The following GPC5 variants were observed in gnomAD, a reference collection of about 807,000 sequenced individuals.
GPC5 encodes the protein glypican-5.
A neutral mutation model predicts 53.9 loss-of-function variants in GPC5; 47 were observed. The observed-to-expected ratio is 0.87, with a 90% CI of 0.69 to 1.11. GPC5 has a LOEUF of 1.11. Among genes scored for constraint, GPC5 ranks in the 50% most tolerant of loss-of-function variants. The pLI is 0.00. For synonymous variants in GPC5, 286 were observed against 263.3 expected (o/e 1.09, Z -0.84); for missense variants, 748 against 713.1 (o/e 1.05, Z -0.56).
At chr13:92,025,059 C>G (rs2040789678) in intron 6 of GPC5, among the ~76,000 whole-genome samples, 1 of 152,112 alleles carries the variant, frequency 6.6e-6, no homozygotes, top group Non-Finnish European at 1.5e-5. Context: ...TAATCTCTAC[C>G]CTTTCTTCTG....
At chr13:91,922,526 T>G (rs1364952266) in intron 6 of GPC5, among the ~76,000 whole-genome samples, 1 of 152,212 alleles carries the variant, frequency 6.6e-6, no homozygotes, top group Non-Finnish European at 1.5e-5. Context: ...AGAAAATTAT[T>G]ACGTTGACTT....
chr13:92,153,043 T>G (rs1242666665), intron 7 of GPC5, among the ~76,000 whole-genome samples: 1 of 152,220 alleles, frequency 6.6e-6, no homozygotes, highest in Non-Finnish European at 1.5e-5. Flanking sequence ...AATCATACAG[T>G]CTCTCTTGTC....
chr13:92,444,715 TAAAAAAAAAAAAAAAAA>T (rs71910602), intron 7 of GPC5, among the ~76,000 whole-genome samples: 1 of 84,224 alleles, frequency 1.2e-5, no homozygotes, highest in South Asian at 4.6e-4. Flanking sequence ...TCCTGAAATC[TAAAAAAAAAAAAAAAAA>T]AAAAAAAAGT....
intron 2 of GPC5, among the ~76,000 whole-genome samples, chr13:91,496,582 T>C (rs908046066): frequency 6.6e-6 from 1 of 152,122 alleles, no homozygotes; most frequent in Non-Finnish European, 1.5e-5. Flanking sequence ...ATTAAAACAA[T>C]TGAACTTATG....
At chr13:91,953,899 G>A (rs776907054) in intron 6 of GPC5, among the ~76,000 whole-genome samples, 1 of 152,082 alleles carries the variant, frequency 6.6e-6, no homozygotes, top group Non-Finnish European at 1.5e-5. Context: ...CCGCTTGGTG[G>A]TTTGGATTTT....
intron 6 of GPC5, among the ~76,000 whole-genome samples, chr13:92,069,439 T>C (rs1244974266): frequency 6.6e-6 from 1 of 151,858 alleles, no homozygotes; most frequent in Non-Finnish European, 1.5e-5. Context: ...TGTGTGTGTG[T>C]GTGTGTGTAT....
At chr13:92,029,678 C>T (rs1393332427) in intron 6 of GPC5, among the ~76,000 whole-genome samples, 1 of 152,166 alleles carries the variant, frequency 6.6e-6, no homozygotes, top group Non-Finnish European at 1.5e-5. Flanking sequence ...TGACTCATTG[C>T]TGTTTGATTT....
At chr13:92,079,532 G>T (rs2041278866) in intron 6 of GPC5, among the ~76,000 whole-genome samples, 1 of 152,172 alleles carries the variant, frequency 6.6e-6, no homozygotes, top group African/African-American at 2.4e-5. Context: ...ATCATCGTGT[G>T]ATTTAAATGC....
At chr13:91,857,988 A>G (rs1343104499) in intron 5 of GPC5, among the ~76,000 whole-genome samples, 2 of 151,624 alleles carry the variant, frequency 1.3e-5, no homozygotes, top group Admixed American at 1.3e-4. Flanking sequence ...TTATATATAT[A>G]TCTTATGTGT....
intron 6 of GPC5, among the ~76,000 whole-genome samples, chr13:91,942,728 G>A (rs1410050373): frequency 6.6e-6 from 1 of 152,022 alleles, no homozygotes; most frequent in South Asian, 2.1e-4. Context: ...TTTTGTATGT[G>A]TGTGTGTGTT....
chr13:91,448,960 G>C, intron 2 of GPC5, 38 bp downstream of exon 2: 1 of 1,593,882 alleles, frequency 6.3e-7, no homozygotes, highest in Non-Finnish European at 8.5e-7. Context: ...AGGACTGGCC[G>C]TGTTATGTAA....
chr13:91,915,428 T>C (rs911851381), intron 6 of GPC5, among the ~76,000 whole-genome samples: 21 of 152,200 alleles, frequency 1.4e-4, no homozygotes, highest in African/African-American at 4.8e-4. Flanking sequence ...AGAACTTTTT[T>C]TTTTAAAGTA....
At chr13:92,404,719 G>GA (rs1338492091) in intron 7 of GPC5, among the ~76,000 whole-genome samples, 1 of 149,582 alleles carries the variant, frequency 6.7e-6, no homozygotes, top group Admixed American at 6.8e-5. Context: ...CCAAAACTGG[G>GA]AATTGAAGCC....
At chr13:92,641,155 T>G (rs1197183750) in intron 7 of GPC5, among the ~76,000 whole-genome samples, 2 of 152,180 alleles carry the variant, frequency 1.3e-5, no homozygotes, top group African/African-American at 4.8e-5. Flanking sequence ...AGGAGAAAAG[T>G]ACTGACTAAA....
intron 2 of GPC5, among the ~76,000 whole-genome samples, chr13:91,472,874 A>G (rs779272990): frequency 1.3e-5 from 2 of 152,092 alleles, no homozygotes; most frequent in Non-Finnish European, 2.9e-5. Context: ...TTTTTTCTGG[A>G]CCTGAGATTC....
At chr13:91,689,184 A>AATATATATAT (rs1169911890) in intron 2 of GPC5, among the ~76,000 whole-genome samples, 64 of 49,566 alleles carry the variant, frequency 1.3e-3, no homozygotes, top group Non-Finnish European at 1.8e-3. Flanking sequence ...ATCATATATA[A>AATATATATAT]ATATATATAT....
intron 2 of GPC5, among the ~76,000 whole-genome samples, chr13:91,594,107 A>G (rs1238709198): frequency 6.6e-6 from 1 of 152,130 alleles, no homozygotes; most frequent in Admixed American, 6.5e-5. Flanking sequence ...TTAGACATTA[A>G]TTTTCTCTTG....
chr13:92,444,872 C>T (rs12859741), intron 7 of GPC5, among the ~76,000 whole-genome samples: 48,387 of 151,726 alleles, frequency 0.32, 8,753 homozygotes, highest in East Asian at 0.61. Context: ...AGTCCAGTGA[C>T]TCAGAGGTCA....
chr13:91,832,578 T>C (rs1286266530), intron 5 of GPC5, among the ~76,000 whole-genome samples: 2 of 152,108 alleles, frequency 1.3e-5, no homozygotes, highest in Non-Finnish European at 2.9e-5. Flanking sequence ...ATAGTGTCGA[T>C]GGTCTTTACA....
Sources: allele counts gnomAD v4.1 joint callset (sites outside exome capture counted in the v4.1 genomes callset), GRCh38; gene constraint gnomAD v4.1.1; transcripts MANE v1.5; gene names NCBI Gene and HGNC (gene_info 2026-07-23, HGNC 2026-07-21).